Variants in EXOC4 observed in about 807,000 individuals in gnomAD.
EXOC4 encodes exocyst complex component 4.
Under a neutral mutation model 107.2 loss-of-function variants are expected in EXOC4, and 71 were observed. The ratio of observed to expected loss-of-function variants is 0.66; its 90% CI spans 0.55 to 0.81. The LOEUF is 0.81. Among genes scored for constraint, EXOC4 ranks in the 30% least tolerant of loss-of-function variants. EXOC4 has a pLI of 0.00. For missense variants in EXOC4, 1,108 were observed against 1,189.6 expected (o/e 0.93, Z 1.01); for synonymous variants, 456 against 441.2 (o/e 1.03, Z -0.42).
intron 10 of EXOC4, among the ~76,000 whole-genome samples, chr7:133,670,896 A>G (rs1334463320): frequency 6.6e-6 from 1 of 152,210 alleles, no homozygotes; most frequent in Non-Finnish European, 1.5e-5. Context: ...GCAAATGTCA[A>G]ATGCCTCAGG....
chr7:133,900,455 G>A (rs533885894), intron 12 of EXOC4, among the ~76,000 whole-genome samples: 121 of 152,308 alleles, frequency 7.9e-4, no homozygotes, highest in African/African-American at 2.7e-3. Flanking sequence ...TCTAGGATGT[G>A]GAAAGGAAAG....
At chr7:133,624,219 A>C (rs769477948) in intron 9 of EXOC4, among the ~76,000 whole-genome samples, 1 of 152,294 alleles carries the variant, frequency 6.6e-6, no homozygotes, top group East Asian at 1.9e-4. Flanking sequence ...AGTCATGATC[A>C]TTTTATGCTA....
At chr7:133,697,114 G>GTGTT (rs767773322) in intron 10 of EXOC4, among the ~76,000 whole-genome samples, 129 of 152,234 alleles carry the variant, frequency 8.5e-4, no homozygotes, top group African/African-American at 2.3e-3. Flanking sequence ...GACCTGGGAA[G>GTGTT]TGTTTGTTTG....
chr7:133,817,318 C>A lies in EXOC4; in HGVS notation c.1515-7C>A. The A allele has an allele frequency of 3.8e-6, 6 of 1,595,524 alleles. No homozygotes were observed. Among genetic ancestry groups the A allele is most frequent in the Non-Finnish European group, 4.3e-6 (5 of 1,163,630 alleles). On this transcript the variant is annotated splice_polypyrimidine_tract_variant and splice_region_variant and intron_variant, in intron 10 of 17. Transcript: ENST00000253861. ...ATTTAATAACCTTCTTACTGTTTGTCCTCCAGATTTATTCAGGAGATTGAG... is the reference window on the plus strand; with the variant it reads ...ATTTAATAACCTTCTTACTGTTTGTACTCCAGATTTATTCAGGAGATTGAG...
intron 9 of EXOC4, among the ~76,000 whole-genome samples, chr7:133,580,052 G>A (rs545078936): frequency 6.6e-6 from 1 of 152,306 alleles, no homozygotes; most frequent in South Asian, 2.1e-4. Context: ...AAATAATACA[G>A]TGTTTGCCTT....
In EXOC4 at chr7:134,017,650, A is replaced by T. The variant is rs146705648; in HGVS notation, c.2687+9815A>T. The stretch of plus-strand genomic sequence containing the variant: ...TGTAACAATTAATTGATCTCTAATT[A>T]ATCATTTAATTAGGACTCCTTGAAT... On this transcript the variant is annotated intron_variant, in intron 17 of 17. Transcript: ENST00000253861. Among the ~76,000 whole-genome samples the T allele has an allele frequency of 3.6e-3, 545 of 152,268 alleles. 4 individuals carry two copies. The highest frequency in any genetic ancestry group is 0.012 in the African/African-American group (507 of 41,558).
intron 10 of EXOC4, among the ~76,000 whole-genome samples, chr7:133,744,993 C>G (rs897265675): frequency 6.6e-6 from 1 of 152,118 alleles, no homozygotes; most frequent in Non-Finnish European, 1.5e-5. Context: ...AAAAGTTATT[C>G]CAAATGCATA....
At chr7:133,466,745 A>G (rs542049479) in intron 7 of EXOC4, among the ~76,000 whole-genome samples, 5 of 152,338 alleles carry the variant, frequency 3.3e-5, no homozygotes, top group South Asian at 4.1e-4. Flanking sequence ...CCTTACAAAC[A>G]TAAGTGTAAT....
intron 10 of EXOC4, among the ~76,000 whole-genome samples, chr7:133,791,904 G>T (rs1162379890): frequency 1.3e-5 from 2 of 152,130 alleles, no homozygotes; most frequent in Non-Finnish European, 2.9e-5. Flanking sequence ...TACCTCTACA[G>T]TTACTTCTCA....
At chr7:133,493,781 T>C (rs750561793) in intron 9 of EXOC4, among the ~76,000 whole-genome samples, 13 of 152,206 alleles carry the variant, frequency 8.5e-5, no homozygotes, top group Non-Finnish European at 1.9e-4. Flanking sequence ...AATGTAGTTG[T>C]GATTCACATA....
At chr7:133,330,607 T>C (rs1010535783) in intron 5 of EXOC4, among the ~76,000 whole-genome samples, 24 of 152,096 alleles carry the variant, frequency 1.6e-4, no homozygotes, top group African/African-American at 5.5e-4. Flanking sequence ...GTGAGAAAAG[T>C]TCAGTATCTA....
rs767083043 is a variant in EXOC4 at position 133,990,723 on chromosome 7, G to A, written c.2207-6769G>A. Among the ~76,000 whole-genome samples, 199 of 152,198 alleles carry A rather than the reference G, an allele frequency of 1.3e-3. 1 individual carries two copies. The Middle Eastern group carries it at 0.014, about 10-fold the overall frequency. ...CCCACCTCGGCCTCCTGAAGCGCTG[G>A]GATTACAGGCATGAGCCACTGTGCC... On this transcript the variant is annotated intron_variant, in intron 14 of 17. Coordinates refer to ENST00000253861, the MANE Select transcript of EXOC4 (RefSeq NM_021807.4).
At chr7:133,474,299 G>A (rs1183303510) in intron 7 of EXOC4, among the ~76,000 whole-genome samples, 1 of 151,784 alleles carries the variant, frequency 6.6e-6, no homozygotes, top group Non-Finnish European at 1.5e-5. Context: ...AGAACCTATT[G>A]GCAGTAGTAG....
chr7:133,755,303 TATATATATATTATATATATATA>T (rs1795889909), intron 10 of EXOC4, among the ~76,000 whole-genome samples: 2 of 120,314 alleles, frequency 1.7e-5, no homozygotes, highest in Admixed American at 9.4e-5. Flanking sequence ...TTATATATAT[TATATATATATTATATATATATA>T]ATATATATAT....
At chr7:133,268,150 C>T (rs1793778752) in intron 1 of EXOC4, among the ~76,000 whole-genome samples, 1 of 152,138 alleles carries the variant, frequency 6.6e-6, no homozygotes, top group Admixed American at 6.5e-5. Flanking sequence ...TATTGTCTTA[C>T]CTGTTTTACA....
chr7:133,468,681 C>T (rs970957014), intron 7 of EXOC4, among the ~76,000 whole-genome samples: 4 of 152,030 alleles, frequency 2.6e-5, no homozygotes, highest in South Asian at 2.1e-4. Flanking sequence ...CCATGAAAAC[C>T]GGGAGGCGCC....
chr7:133,660,638 C>T (rs1309152317), intron 10 of EXOC4, among the ~76,000 whole-genome samples: 1 of 152,144 alleles, frequency 6.6e-6, no homozygotes, highest in Non-Finnish European at 1.5e-5. Context: ...AATATTAAAC[C>T]TTTGAGTGAA....
chr7:133,839,653 A>G (rs546242032), intron 11 of EXOC4, among the ~76,000 whole-genome samples: 1 of 152,318 alleles, frequency 6.6e-6, no homozygotes, highest in African/African-American at 2.4e-5. Context: ...GCCATGGAGG[A>G]CTTGTACCAA....
intron 14 of EXOC4, among the ~76,000 whole-genome samples, chr7:133,956,615 T>A (rs1800825411): frequency 6.6e-6 from 1 of 152,196 alleles, no homozygotes; most frequent in African/African-American, 2.4e-5. Context: ...CCTCTCTCCA[T>A]GTGGTCCTTT....
Sources: allele counts gnomAD v4.1 joint callset (sites outside exome capture counted in the v4.1 genomes callset), GRCh38; gene constraint gnomAD v4.1.1; transcripts MANE v1.5; gene names NCBI Gene and HGNC (gene_info 2026-07-23, HGNC 2026-07-21).